EPB41L2: variants seen among roughly 807,000 people sequenced by gnomAD.
EPB41L2 encodes band 4.1-like protein 2.
A neutral mutation model predicts 113.0 loss-of-function variants in EPB41L2; 43 were observed. That is an observed-to-expected ratio of 0.38 (90% CI 0.30 to 0.49). The LOEUF is 0.49. Among genes scored for constraint, EPB41L2 ranks in the 20% least tolerant of loss-of-function variants. EPB41L2 has a pLI of 0.95. For missense variants in EPB41L2, 1,147 were observed against 1,223.4 expected (o/e 0.94, Z 0.93); for synonymous variants, 442 against 436.7 (o/e 1.01, Z -0.15).
At chr6:130,929,203 C>T (rs1805844159) in intron 3 of EPB41L2, among the ~76,000 whole-genome samples, 1 of 152,134 alleles carries the variant, frequency 6.6e-6, no homozygotes, top group Admixed American at 6.5e-5. Context: ...GCTATCAGAA[C>T]ACCAGGAATG....
intron 4 of EPB41L2, among the ~76,000 whole-genome samples, chr6:130,925,608 C>T (rs1002926724): frequency 1.4e-4 from 22 of 152,274 alleles, no homozygotes; most frequent in Admixed American, 1.4e-3. Context: ...TCCTATGAAT[C>T]TACCAGTATG....
chr6:130,863,097 G>T (rs1782658688), intron 18 of EPB41L2, among the ~76,000 whole-genome samples: 1 of 152,128 alleles, frequency 6.6e-6, no homozygotes, highest in Non-Finnish European at 1.5e-5. Context: ...TAGAATGGAG[G>T]CATGATTCTT....
At chr6:131,030,311 A>C (rs1370002185) in intron 1 of EPB41L2, among the ~76,000 whole-genome samples, 3 of 152,214 alleles carry the variant, frequency 2.0e-5, no homozygotes, top group Non-Finnish European at 4.4e-5. Context: ...CCTCTCAGAA[A>C]AGCAACTACT....
chr6:130,873,648 T>G (rs777716842), intron 14 of EPB41L2, among the ~76,000 whole-genome samples: 1 of 152,194 alleles, frequency 6.6e-6, no homozygotes, highest in African/African-American at 2.4e-5. Context: ...ATATTTTTAG[T>G]AGAGACGGGG....
intron 4 of EPB41L2, among the ~76,000 whole-genome samples, chr6:130,918,788 TA>T (rs1198949355): frequency 2.0e-5 from 3 of 152,180 alleles, no homozygotes; most frequent in Non-Finnish European, 4.4e-5. Flanking sequence ...AAATTTCCCA[TA>T]AGTACAGATA....
chr6:131,023,244 T>C (rs1789934937), intron 1 of EPB41L2, among the ~76,000 whole-genome samples: 2 of 152,252 alleles, frequency 1.3e-5, no homozygotes, highest in Admixed American at 6.5e-5. Flanking sequence ...TTATTTCATC[T>C]GCTACCCTAA....
intron 1 of EPB41L2, among the ~76,000 whole-genome samples, chr6:131,020,956 ATTTTT>A (rs373751654): frequency 6.8e-6 from 1 of 147,776 alleles, no homozygotes; most frequent in Non-Finnish European, 1.5e-5. Context: ...CACCAGGCTA[ATTTTT>A]TTTTTTTAAC....
intron 1 of EPB41L2, among the ~76,000 whole-genome samples, chr6:131,040,459 G>A (rs1794240372): frequency 1.3e-5 from 2 of 151,988 alleles, no homozygotes; most frequent in Admixed American, 6.6e-5. Context: ...AGGCTAAAAT[G>A]GTTAATTTTA....
intron 14 of EPB41L2, chr6:130,872,476 T>C: frequency 7.8e-7 from 1 of 1,289,376 alleles, no homozygotes; most frequent in Non-Finnish European, 1.0e-6. Context: ...TGAAGGTGGC[T>C]TTCATGCTAT....
intron 3 of EPB41L2, among the ~76,000 whole-genome samples, chr6:130,934,636 C>T (rs1329863228): frequency 6.6e-6 from 1 of 151,950 alleles, no homozygotes; most frequent in Admixed American, 6.6e-5. Flanking sequence ...CCATGCCTGG[C>T]TAATTTTTAA....
At chr6:130,879,369 T>C (rs2128463870) in intron 13 of EPB41L2, among the ~76,000 whole-genome samples, 1 of 152,284 alleles carries the variant, frequency 6.6e-6, no homozygotes, top group South Asian at 2.1e-4. Context: ...CTGTACAGCA[T>C]TTTAGTAAGT....
chr6:130,894,433 C>G lies in EPB41L2; in HGVS notation c.1398G>C (p.Gln466His). The G allele has an allele frequency of 6.2e-7, 1 of 1,613,854 alleles. No individual in the cohort carries two copies. Among genetic ancestry groups the G allele is most frequent in the Non-Finnish European group, 8.5e-7 (1 of 1,179,778 alleles). Reference protein sequence around the residue: ...YIKVRPAELEQFESTIGFKLP... With the variant: ...YIKVRPAELEHFESTIGFKLP... ...GTTTGAATCCAATGGTACTCTCAAA[C>G]TGTTCCAGCTGGAATAAATCCGTAA... The change falls in exon 10 of 20, where the codon CAG becomes CAC. Residue 466 changes from glutamine (Q) to histidine (H), a missense_variant. Physicochemically the swap from Gln to His is conservative, Grantham distance 24 (BLOSUM62 0). Coordinates refer to ENST00000337057, the MANE Select transcript of EPB41L2 (RefSeq NM_001431.4).
intron 3 of EPB41L2, among the ~76,000 whole-genome samples, chr6:130,928,159 T>G (rs1463076408): frequency 6.6e-6 from 1 of 152,200 alleles, no homozygotes; most frequent in South Asian, 2.1e-4. Context: ...ATTACAGGTT[T>G]GCAATGAGGA....
At chr6:130,937,289 T>A (rs1347627056) in intron 3 of EPB41L2, among the ~76,000 whole-genome samples, 1 of 152,216 alleles carries the variant, frequency 6.6e-6, no homozygotes, top group East Asian at 1.9e-4. Context: ...AAAATTTTTT[T>A]AAAAGCTTAA....
chr6:130,972,603 C>T (rs943922603), intron 1 of EPB41L2, among the ~76,000 whole-genome samples: 1 of 151,462 alleles, frequency 6.6e-6, no homozygotes, highest in Admixed American at 6.6e-5. Flanking sequence ...CTCAGATAGA[C>T]TATAAGTGCA....
At chr6:131,032,958 C>T (rs1040814724) in intron 1 of EPB41L2, among the ~76,000 whole-genome samples, 1 of 152,196 alleles carries the variant, frequency 6.6e-6, no homozygotes, top group Non-Finnish European at 1.5e-5. Flanking sequence ...TTACTGCAAC[C>T]TCTGTCACCC....
intron 14 of EPB41L2, 50 bp downstream of exon 14, chr6:130,878,054 T>A: frequency 6.7e-7 from 1 of 1,501,698 alleles, no homozygotes; most frequent in Non-Finnish European, 8.9e-7. Context: ...AATTTAAGTT[T>A]TATTGAGCAA....
chr6:130,908,906 G>A (rs770979807), intron 4 of EPB41L2, 43 bp from the exon 5 acceptor site: 1 of 1,430,926 alleles, frequency 7.0e-7, no homozygotes, highest in Non-Finnish European at 9.7e-7. Context: ...ATATTCTAGA[G>A]TCTAAAATAG....
At chr6:131,005,099 T>A (rs909877184) in intron 1 of EPB41L2, among the ~76,000 whole-genome samples, 5 of 151,790 alleles carry the variant, frequency 3.3e-5, no homozygotes, top group African/African-American at 9.7e-5. Flanking sequence ...TTTAAAGTAG[T>A]CAAGACAACA....
Sources: gnomAD v4.1 joint callset for allele counts (sites outside exome capture counted in the v4.1 genomes callset) on GRCh38, gnomAD v4.1.1 for gene constraint, MANE v1.5 for transcripts, NCBI Gene and HGNC (gene_info 2026-07-23, HGNC 2026-07-21) for gene names.